Variants in LOC728743 observed in about 807,000 individuals in gnomAD.
chr7:150,406,793 T>G, the LOC728743 span, among the ~76,000 whole-genome samples: 1 of 152,168 alleles, frequency 6.6e-6, no homozygotes, highest in Admixed American at 6.5e-5. Flanking sequence ...GGCTTTGCTG[T>G]GAGGATACCA....
At chr7:150,409,092 CAAATA>C in the LOC728743 span, among the ~76,000 whole-genome samples, 1 of 132,864 alleles carries the variant, frequency 7.5e-6, no homozygotes, top group South Asian at 2.4e-4. Context: ...GTCATGGGGA[CAAATA>C]AAATTGTTCT....
chr7:150,403,073 T>C, the LOC728743 span, among the ~76,000 whole-genome samples: 1 of 152,196 alleles, frequency 6.6e-6, no homozygotes, highest in Non-Finnish European at 1.5e-5. This position sits in a 1 kb window ranked among gnomAD's most constrained non-coding sequence, Gnocchi z 5.1. Context: ...TGCCAGCCAC[T>C]GCGCTGCCTG....
At chr7:150,407,448 G>A in the LOC728743 span, 15 of 397,240 alleles carry the variant, frequency 3.8e-5, no homozygotes, top group African/African-American at 3.1e-4. Context: ...GGGAACTTGA[G>A]CTTGAACAAA....
At chr7:150,407,418 G>A in the LOC728743 span, among the ~76,000 whole-genome samples, 146,172 of 152,246 alleles carry the variant, frequency 0.96, 70,419 homozygotes, top group East Asian at 1. Context: ...TGGAGGAAGA[G>A]GAACACCAAT....
At chr7:150,406,628 T>C in the LOC728743 span, among the ~76,000 whole-genome samples, 1 of 152,180 alleles carries the variant, frequency 6.6e-6, no homozygotes, top group Non-Finnish European at 1.5e-5. Context: ...ATAACCCTGC[T>C]CCGCCCCTTT....
At chr7:150,405,032 TA>T in the LOC728743 span, 1 of 152,212 alleles carries the variant, frequency 6.6e-6, no homozygotes, top group Non-Finnish European at 1.5e-5. Flanking sequence ...GATGGTGCTA[TA>T]ACGGCCGAAT....
the LOC728743 span, among the ~76,000 whole-genome samples, chr7:150,403,427 G>T: frequency 1.3e-5 from 2 of 152,148 alleles, no homozygotes; most frequent in African/African-American, 4.8e-5. The surrounding 1 kb of genome is among the most constrained non-coding windows in gnomAD (Gnocchi z 5.1). Flanking sequence ...TAAAAATATG[G>T]GAGACATCCT....
the LOC728743 span, chr7:150,407,455 C>A: frequency 2.5e-6 from 1 of 397,422 alleles, no homozygotes. Flanking sequence ...TGAGCTTGAA[C>A]AAAACGGGGC....
At chr7:150,405,554 G>A in the LOC728743 span, 1 of 151,694 alleles carries the variant, frequency 6.6e-6, no homozygotes, top group Non-Finnish European at 1.5e-5. Flanking sequence ...ATTCCCTCTG[G>A]GAGCTGGGGC....
chr7:150,408,241 G>A, the LOC728743 span: 1 of 387,578 alleles, frequency 2.6e-6, no homozygotes, highest in Non-Finnish European at 4.6e-6. Flanking sequence ...GGGGCCTGCT[G>A]CCGACGGCTG....
the LOC728743 span, among the ~76,000 whole-genome samples, chr7:150,402,089 G>T: frequency 2.0e-5 from 3 of 152,200 alleles, no homozygotes; most frequent in Admixed American, 6.5e-5. Context: ...TCAATAAATG[G>T]TAGCTATTGT....
the LOC728743 span, chr7:150,411,072 C>G: frequency 6.6e-6 from 1 of 152,368 alleles, no homozygotes; most frequent in Non-Finnish European, 1.5e-5. Flanking sequence ...ATTTTCTCTT[C>G]TGGTTTTGTT....
chr7:150,401,028 G>A, the LOC728743 span: 1 of 152,232 alleles, frequency 6.6e-6, no homozygotes, highest in African/African-American at 2.4e-5. Flanking sequence ...GTCTGCAGTG[G>A]GGATCTGTGG....
At chr7:150,408,026 C>T in the LOC728743 span, 1 of 397,220 alleles carries the variant, frequency 2.5e-6, no homozygotes, top group Non-Finnish European at 4.4e-6. Flanking sequence ...GCCGCGCTTC[C>T]TGCTCAACCA....
chr7:150,407,534 G>T, the LOC728743 span: 1 of 398,048 alleles, frequency 2.5e-6, no homozygotes, highest in South Asian at 1.3e-4. Context: ...CGTGTTCCCC[G>T]ACCCCTCTCT....
At chr7:150,409,134 T>A in the LOC728743 span, among the ~76,000 whole-genome samples, 1 of 55,930 alleles carries the variant, frequency 1.8e-5, no homozygotes, top group Non-Finnish European at 4.7e-5. Context: ...TAGAAGGGTG[T>A]TTTCAAGGGA....
chr7:150,407,863 G>T, the LOC728743 span: 1 of 427,054 alleles, frequency 2.3e-6, no homozygotes. Context: ...ACAACCTCGA[G>T]GTGCACCAGC....
At chr7:150,403,202 T>G in the LOC728743 span, among the ~76,000 whole-genome samples, 7,907 of 151,250 alleles carry the variant, frequency 0.052, 695 homozygotes, top group African/African-American at 0.18. The surrounding 1 kb of genome is among the most constrained non-coding windows in gnomAD (Gnocchi z 5.1). Flanking sequence ...ACAGGGGAGG[T>G]GGGTGTATGT....
chr7:150,403,380 CCTTT>C, the LOC728743 span, among the ~76,000 whole-genome samples: 2 of 152,138 alleles, frequency 1.3e-5, no homozygotes, highest in Non-Finnish European at 2.9e-5. This position sits in a 1 kb window ranked among gnomAD's most constrained non-coding sequence, Gnocchi z 5.1. Context: ...GTGTTCTTTT[CCTTT>C]CTATTTTGGT....
Sources: gnomAD v4.1 joint callset for allele counts (sites outside exome capture counted in the v4.1 genomes callset) on GRCh38, gnomAD v4.1.1 for gene constraint, Gnocchi (gnomAD v3.1) non-coding constraint, MANE v1.5 for transcripts.